PCDH15: variants seen among roughly 807,000 people sequenced by gnomAD.
The protein encoded by PCDH15 is protocadherin related 15, also known as protocadherin-15.
Under a neutral mutation model 178.5 loss-of-function variants are expected in PCDH15, and 129 were observed. The ratio of observed to expected loss-of-function variants is 0.72; its 90% CI spans 0.63 to 0.84. The LOEUF is 0.84. PCDH15 is among the 40% of genes least tolerant of loss of function. The probability of loss-of-function intolerance (pLI) is 0.00; values close to 1 mark genes in which losing one functional copy is unlikely to be tolerated. For synonymous variants in PCDH15, 800 were observed against 732.0 expected (o/e 1.09, Z -1.50); for missense variants, 2,230 against 2,099.9 (o/e 1.06, Z -1.21).
Position 54,296,144 on chromosome 10 carries a change from C to CAAAAAA in PCDH15, c.876+21121_876+21126dup, listed in dbSNP as rs59721161. On this transcript the variant is annotated intron_variant, in intron 8 of 37. Coordinates refer to ENST00000644397, the MANE Select transcript of PCDH15 (RefSeq NM_001384140.1). The stretch of plus-strand genomic sequence containing the variant: ...TGGGCGACAGAGCGAGACTCCGTCT[C>CAAAAAA]AAAAAAAAAAAAAAAAAAAAAAAAA... 6.8e-4 allele frequency among the ~76,000 whole-genome samples: 33 copies of CAAAAAA among 48,216 alleles called. 1 individual carries two copies. The highest frequency in any genetic ancestry group is 2.2e-3 in the African/African-American group (27 of 12,540). The allele number at this position is 48,216 out of a possible 152,430, so 31.6% of individuals were successfully genotyped here.
At chr10:53,903,148 A>AT in intron 26 of PCDH15, 95 bp downstream of exon 26, 3 of 1,405,220 alleles carry the variant, frequency 2.1e-6, no homozygotes, top group Non-Finnish European at 3.0e-6. Flanking sequence ...TTTATACAGC[A>AT]TAAGTATGCA....
At chr10:55,035,109 T>C (rs1466212474) in intron 2 of PCDH15, among the ~76,000 whole-genome samples, 1 of 152,144 alleles carries the variant, frequency 6.6e-6, no homozygotes, top group Non-Finnish European at 1.5e-5. Flanking sequence ...AACTCCAACA[T>C]AGGGAATCTT....
chr10:55,372,752 A>C (rs1196253734), intron 2 of PCDH15, among the ~76,000 whole-genome samples: 1 of 152,142 alleles, frequency 6.6e-6, no homozygotes, highest in African/African-American at 2.4e-5. Flanking sequence ...CCTCTTATGA[A>C]GATGCCCTTC....
At chr10:55,210,521 T>TG (rs1444222290) in intron 1 of PCDH15, among the ~76,000 whole-genome samples, 2 of 147,306 alleles carry the variant, frequency 1.4e-5, no homozygotes, top group African/African-American at 5.0e-5. Context: ...TCAGAACTAA[T>TG]GGGGAAATGG....
chr10:54,013,313 A>G (rs1446391272), intron 20 of PCDH15, among the ~76,000 whole-genome samples: 5 of 152,170 alleles, frequency 3.3e-5, no homozygotes, highest in African/African-American at 1.2e-4. Flanking sequence ...ATAGTGGGAC[A>G]TTTCAATACC....
At chr10:55,385,410 A>G (rs895015847) in intron 2 of PCDH15, among the ~76,000 whole-genome samples, 3 of 152,018 alleles carry the variant, frequency 2.0e-5, no homozygotes, top group South Asian at 2.1e-4. Flanking sequence ...GATGACTCCA[A>G]TATCAGCTAC....
intron 1 of PCDH15, among the ~76,000 whole-genome samples, chr10:55,251,973 T>A (rs1243817389): frequency 2.0e-5 from 3 of 152,024 alleles, no homozygotes; most frequent in Non-Finnish European, 4.4e-5. Context: ...GGTTCACAAA[T>A]CCCAGAAGAA....
chr10:54,022,800 G>A (rs1165843473), intron 19 of PCDH15, 92 bp downstream of exon 19: 12 of 1,237,020 alleles, frequency 9.7e-6, no homozygotes, highest in Non-Finnish European at 1.4e-5. Context: ...AACTTGGTAT[G>A]TTGTATTGTT....
intron 3 of PCDH15, among the ~76,000 whole-genome samples, chr10:54,429,460 A>T (rs1378971072): frequency 6.6e-6 from 1 of 152,212 alleles, no homozygotes; most frequent in Non-Finnish European, 1.5e-5. Context: ...GCAAAATGGC[A>T]AGAGTAAGTC....
chr10:54,644,845 T>C (rs1485699213), intron 2 of PCDH15, among the ~76,000 whole-genome samples: 3 of 152,176 alleles, frequency 2.0e-5, no homozygotes, highest in Non-Finnish European at 4.4e-5. Context: ...CTGTACCTTA[T>C]AGAAGGGCTG....
intron 3 of PCDH15, among the ~76,000 whole-genome samples, chr10:54,819,067 G>A (rs1257341293): frequency 1.3e-5 from 2 of 151,910 alleles, no homozygotes; most frequent in Admixed American, 1.3e-4. Flanking sequence ...TGGAATTACA[G>A]GTATGAGCCA....
chr10:54,284,566 T>C (rs942799663), intron 8 of PCDH15, among the ~76,000 whole-genome samples: 4 of 152,158 alleles, frequency 2.6e-5, no homozygotes, highest in Admixed American at 2.6e-4. Flanking sequence ...TCATCACCTT[T>C]TATAGAACGT....
intron 10 of PCDH15, among the ~76,000 whole-genome samples, chr10:54,207,599 A>G (rs369582837): frequency 9.2e-5 from 14 of 152,062 alleles, no homozygotes; most frequent in East Asian, 5.8e-4. Flanking sequence ...TGCTGTTCTC[A>G]TGATGTGTTG....
chr10:54,018,217 G>C (rs2092804818), intron 20 of PCDH15, among the ~76,000 whole-genome samples: 1 of 152,078 alleles, frequency 6.6e-6, no homozygotes, highest in Non-Finnish European at 1.5e-5. Context: ...AGACATTTGT[G>C]TTGCACATGC....
At chr10:54,508,272 A>T (rs1391966781) in intron 3 of PCDH15, among the ~76,000 whole-genome samples, 1 of 152,080 alleles carries the variant, frequency 6.6e-6, no homozygotes, top group African/African-American at 2.4e-5. Flanking sequence ...CAGAGTAGAT[A>T]TCCTTATCTT....
chr10:54,317,202 A>G lies in PCDH15; in HGVS notation c.876+69T>C, dbSNP rs989196792. 5 of 1,515,730 alleles carry G rather than the reference A, an allele frequency of 3.3e-6. No homozygotes were observed. The African/African-American group carries it at 6.9e-5, about 21-fold the overall frequency. 93.9% of individuals were successfully genotyped at this position (1,515,730 alleles called of 1,614,324 possible). On this transcript the variant is annotated intron_variant, in intron 8 of 37. Transcript: ENST00000644397. ...CTATTATAAATTATATGTCTACAAA[A>G]TACTTGAACATGATCCCATTGGGTT... is the stretch of plus-strand genomic sequence containing the variant.
chr10:55,573,969 G>C, intron 2 of PCDH15, among the ~76,000 whole-genome samples: 1 of 151,632 alleles, frequency 6.6e-6, no homozygotes, highest in East Asian at 1.9e-4. Flanking sequence ...GTCATAGTGT[G>C]GTATCCTTAT....
intron 3 of PCDH15, among the ~76,000 whole-genome samples, chr10:54,481,577 G>A (rs1466481308): frequency 1.3e-5 from 2 of 151,486 alleles, no homozygotes; most frequent in African/African-American, 4.8e-5. Context: ...TTTTAATTGG[G>A]GTCTCACTAA....
intron 2 of PCDH15, among the ~76,000 whole-genome samples, chr10:55,035,744 G>A (rs981849507): frequency 5.9e-5 from 9 of 152,136 alleles, no homozygotes; most frequent in Non-Finnish European, 1.0e-4. Context: ...TGGCTGAACG[G>A]AAGGACATCA....
Sources: gnomAD v4.1 joint callset for allele counts (sites outside exome capture counted in the v4.1 genomes callset) on GRCh38, gnomAD v4.1.1 for gene constraint, MANE v1.5 for transcripts, NCBI Gene and HGNC (gene_info 2026-07-23, HGNC 2026-07-21) for gene names.